PRH1: variants seen among roughly 807,000 people sequenced by gnomAD.
The protein encoded by PRH1 is salivary acidic proline-rich phosphoprotein 1/2.
PRH1 carries 7 observed loss-of-function variants against 7.9 expected under a neutral mutation model. That is an observed-to-expected ratio of 0.89 (90% CI 0.50 to 1.67). The LOEUF (loss-of-function observed/expected upper bound fraction) is 1.67, where lower values mean the gene tolerates loss of function less well. PRH1 is among the 40% of genes most tolerant of loss of function. The pLI, the probability that PRH1 is intolerant of heterozygous loss-of-function variation, is 0.00. For synonymous variants in PRH1, 45 were observed against 80.8 expected, an observed-to-expected ratio of 0.56 and a Z score of 2.38; for missense variants, 109 against 223.6, an observed-to-expected ratio of 0.49 and a Z score of 3.27.
chr12:11,003,146 TA>T (rs1256300227), intron 1 of PRH1, among the ~76,000 whole-genome samples: 3 of 152,144 alleles, frequency 2.0e-5, no homozygotes, highest in African/African-American at 7.2e-5. Context: ...AATTAATTTT[TA>T]AAAGTATAAA....
At chr12:11,070,123 G>C (rs1207751322) in intron 1 of PRH1, among the ~76,000 whole-genome samples, 7 of 151,840 alleles carry the variant, frequency 4.6e-5, no homozygotes, top group Non-Finnish European at 2.9e-5. Flanking sequence ...TTGACACCCT[G>C]CCTCTCTAAA....
intron 1 of PRH1, among the ~76,000 whole-genome samples, chr12:11,086,358 T>G: frequency 8.2e-6 from 1 of 121,358 alleles, no homozygotes; most frequent in South Asian, 2.2e-4. Context: ...TTGAAGAGTC[T>G]ACACTTCTCT....
At chr12:11,171,598 A>T, upstream of PRH1, 2 of 1,220,244 alleles carry the variant, frequency 1.6e-6, no homozygotes, top group Non-Finnish European at 2.0e-6. Flanking sequence ...CGGGGCCAGC[A>T]TGATGGCCGA....
intron 2 of PRH1, chr12:10,938,512 AC>A: frequency 6.2e-7 from 1 of 1,614,062 alleles, no homozygotes. Flanking sequence ...AAGTGATCAC[AC>A]TTTTAACTCC....
chr12:11,028,553 T>C (rs565377725), intron 1 of PRH1, among the ~76,000 whole-genome samples: 1 of 152,352 alleles, frequency 6.6e-6, no homozygotes, highest in South Asian at 2.1e-4. Flanking sequence ...AGGTATTACA[T>C]TAAAAACATT....
In PRH1 at chr12:10,985,475, C is replaced by A. The variant is rs181088058; in HGVS notation, c.-125-11754G>T. Among the ~76,000 whole-genome samples the A allele has an allele frequency of 1.9e-3, 293 of 152,098 alleles. 9 individuals are homozygous for A. The highest frequency in any genetic ancestry group is 0.018 in the Admixed American group (282 of 15,282). ...ATTTAGAATTGAGTGTGCTTACTATCAAAAAATTTAGATGTTTAAGCACAC... is the reference window on the plus strand; with the variant it reads ...ATTTAGAATTGAGTGTGCTTACTATAAAAAAATTTAGATGTTTAAGCACAC... On this transcript the variant is annotated intron_variant, in intron 1 of 3. Transcript: ENST00000539853.
At chr12:10,926,177 C>T (rs78598784) in intron 2 of PRH1, among the ~76,000 whole-genome samples, 2,494 of 152,112 alleles carry the variant, frequency 0.016, 68 homozygotes, top group African/African-American at 0.056. Context: ...TCTCAGAGAC[C>T]ATTGTGTTTA....
intron 2 of PRH1, chr12:10,908,850 A>G (rs752111217): frequency 3.1e-6 from 5 of 1,613,396 alleles, no homozygotes; most frequent in Non-Finnish European, 4.2e-6. Context: ...TTTTATATGC[A>G]TGTTTATTTG....
chr12:10,937,722 A>ACT (rs1190549455), intron 2 of PRH1: 1 of 152,266 alleles, frequency 6.6e-6, no homozygotes, highest in Admixed American at 6.5e-5. Flanking sequence ...TGCAAAGCCA[A>ACT]GAGAATGAGC....
At chr12:11,028,499 T>A (rs1942028361) in intron 1 of PRH1, among the ~76,000 whole-genome samples, 1 of 152,258 alleles carries the variant, frequency 6.6e-6, no homozygotes, top group Non-Finnish European at 1.5e-5. Context: ...TTGCCATTTT[T>A]GTCTTGAACT....
At chr12:10,974,093 T>C (rs1419757088) in intron 1 of PRH1, among the ~76,000 whole-genome samples, 1 of 152,164 alleles carries the variant, frequency 6.6e-6, no homozygotes, top group Admixed American at 6.5e-5. Context: ...AGTCCACAAA[T>C]TAGTAACAAC....
chr12:11,150,565 C>T (rs1287884625), intron 1 of PRH1, among the ~76,000 whole-genome samples: 1 of 151,978 alleles, frequency 6.6e-6, no homozygotes, highest in Non-Finnish European at 1.5e-5. Context: ...TAAACTATGG[C>T]AAGGACAAAA....
chr12:11,149,176 T>C (rs2136420175), intron 1 of PRH1, among the ~76,000 whole-genome samples: 1 of 152,230 alleles, frequency 6.6e-6, no homozygotes, highest in South Asian at 2.1e-4. Flanking sequence ...TTCTTCTCTC[T>C]TTTTTTCTTT....
chr12:11,030,862 A>T (rs750502962), intron 1 of PRH1: 2 of 1,614,188 alleles, frequency 1.2e-6, no homozygotes, highest in Non-Finnish European at 1.7e-6. Context: ...AGTTTCCTTC[A>T]TATTCTTTTG....
chr12:10,967,313 G>A (rs1413716583), intron 2 of PRH1, among the ~76,000 whole-genome samples: 1 of 151,882 alleles, frequency 6.6e-6, no homozygotes. Context: ...AATTTTTATG[G>A]TGCACTTCTC....
At chr12:11,146,041 T>C (rs960813189) in intron 1 of PRH1, among the ~76,000 whole-genome samples, 24 of 152,174 alleles carry the variant, frequency 1.6e-4, no homozygotes, top group African/African-American at 5.5e-4. Flanking sequence ...TACATAGATA[T>C]AAAGTGTATG....
intron 1 of PRH1, among the ~76,000 whole-genome samples, chr12:11,004,938 C>A (rs867002173): frequency 3.3e-5 from 5 of 152,046 alleles, no homozygotes. Flanking sequence ...TCTACCATTA[C>A]CAGTATGGAA....
intron 1 of PRH1, among the ~76,000 whole-genome samples, chr12:11,016,615 G>A (rs554279648): frequency 1.2e-4 from 19 of 152,308 alleles, no homozygotes; most frequent in African/African-American, 4.3e-4. Context: ...TGCGGGGACT[G>A]CGGGCATGAG....
At chr12:10,973,508 A>G in intron 2 of PRH1, 1 of 536,060 alleles carries the variant, frequency 1.9e-6, no homozygotes, top group Middle Eastern at 3.9e-4. Context: ...AACGCACACA[A>G]TAACAATACC....
Sources: allele counts gnomAD v4.1 joint callset (sites outside exome capture counted in the v4.1 genomes callset), GRCh38; gene constraint gnomAD v4.1.1; transcripts MANE v1.5; gene names NCBI Gene and HGNC (gene_info 2026-07-23, HGNC 2026-07-21).